The following MAF variants were observed in gnomAD, a reference collection of about 807,000 sequenced individuals.
MAF encodes the protein MAF bZIP transcription factor, also known as transcription factor Maf.
In MAF, 10 loss-of-function variants were observed where a neutral mutation model predicts 22.0. That is an observed-to-expected ratio of 0.45 (90% CI 0.28 to 0.77). The LOEUF (loss-of-function observed/expected upper bound fraction) is 0.77. Among genes scored for constraint, MAF ranks in the 30% least tolerant of loss-of-function variants. The pLI is 0.12. For missense variants in MAF, 544 were observed against 548.4 expected, an observed-to-expected ratio of 0.99 and a Z score of 0.08; for synonymous variants, 337 against 255.8, an observed-to-expected ratio of 1.32 and a Z score of -3.03.
At chr16:79,597,893 A>G in intron 1 of MAF, 2 of 1,037,910 alleles carry the variant, frequency 1.9e-6, no homozygotes, top group Non-Finnish European at 2.3e-6. Flanking sequence ...AAGCATAATA[A>G]TGCATGAGAT....
chr16:79,362,851 T>C, the MAF span, among the ~76,000 whole-genome samples: 265 of 152,338 alleles, frequency 1.7e-3, 2 homozygotes, highest in African/African-American at 6.0e-3. Context: ...AAGAGAATAG[T>C]AAGAAAGTGT....
chr16:79,230,759 A>G, the MAF span, among the ~76,000 whole-genome samples: 1 of 152,058 alleles, frequency 6.6e-6, no homozygotes, highest in Non-Finnish European at 1.5e-5. Context: ...TTCTAAGATT[A>G]TATTCCAAAT....
At chr16:79,554,106 CAAACAAACAAACAAACAAACAAAA>C in the MAF span, among the ~76,000 whole-genome samples, 1 of 122,688 alleles carries the variant, frequency 8.2e-6, no homozygotes, top group Non-Finnish European at 1.9e-5. Flanking sequence ...AACAAACAAA[CAAACAAACAAACAAACAAACAAAA>C]CCACCAAACC....
the MAF span, among the ~76,000 whole-genome samples, chr16:79,578,671 G>T: frequency 3.4e-3 from 512 of 152,200 alleles, 2 homozygotes; most frequent in Middle Eastern, 6.8e-3. Flanking sequence ...CTTTTAAAAA[G>T]CCATCCGTCC....
the MAF span, among the ~76,000 whole-genome samples, chr16:79,246,564 A>C: frequency 6.8e-6 from 1 of 147,138 alleles, no homozygotes; most frequent in Non-Finnish European, 1.5e-5. Context: ...GGGTGTATTT[A>C]AATATACTTT....
At chr16:79,495,991 G>A in the MAF span, among the ~76,000 whole-genome samples, 1 of 152,194 alleles carries the variant, frequency 6.6e-6, no homozygotes, top group Non-Finnish European at 1.5e-5. Flanking sequence ...GACTCCAGCA[G>A]ATTTCCCCAG....
At chr16:79,370,279 T>A in the MAF span, among the ~76,000 whole-genome samples, 9 of 152,174 alleles carry the variant, frequency 5.9e-5, no homozygotes, top group Non-Finnish European at 1.2e-4. Flanking sequence ...GACTGGAGGT[T>A]ATCTCCTGTT....
chr16:79,545,449 C>T, the MAF span, among the ~76,000 whole-genome samples: 42 of 151,748 alleles, frequency 2.8e-4, no homozygotes, highest in African/African-American at 9.9e-4. Flanking sequence ...CCCATTTGAG[C>T]ATGAGTACAA....
the MAF span, among the ~76,000 whole-genome samples, chr16:79,404,954 T>C: frequency 6.6e-6 from 1 of 152,164 alleles, no homozygotes; most frequent in Non-Finnish European, 1.5e-5. Context: ...TTATGGGGTG[T>C]TTACAGATTA....
the MAF span, among the ~76,000 whole-genome samples, chr16:79,437,225 A>C: frequency 2.0e-5 from 3 of 151,988 alleles, no homozygotes; most frequent in South Asian, 2.1e-4. Flanking sequence ...GCATGCTGTA[A>C]GGAAACCAAA....
At chr16:79,555,565 C>G in the MAF span, among the ~76,000 whole-genome samples, 2 of 152,172 alleles carry the variant, frequency 1.3e-5, no homozygotes, top group Non-Finnish European at 2.9e-5. Context: ...CAATACCACA[C>G]TAATACAGGT....
At chr16:79,209,732 A>T in the MAF span, among the ~76,000 whole-genome samples, 3 of 152,310 alleles carry the variant, frequency 2.0e-5, no homozygotes, top group East Asian at 5.8e-4. Flanking sequence ...TGAGCATCTC[A>T]ATTCTCCAAT....
At chr16:79,497,781 AG>A in the MAF span, among the ~76,000 whole-genome samples, 2 of 152,238 alleles carry the variant, frequency 1.3e-5, no homozygotes, top group African/African-American at 4.8e-5. Context: ...GAAGGAGAAA[AG>A]AGGAAGCCTC....
At chr16:79,385,416 T>G in the MAF span, among the ~76,000 whole-genome samples, 8 of 152,302 alleles carry the variant, frequency 5.3e-5, no homozygotes, top group South Asian at 1.7e-3. Flanking sequence ...AAATTATGCT[T>G]TTTTTTCATT....
the MAF span, among the ~76,000 whole-genome samples, chr16:79,224,611 C>A: frequency 6.6e-6 from 1 of 152,164 alleles, no homozygotes; most frequent in East Asian, 1.9e-4. Flanking sequence ...TTAGAAAACC[C>A]TATCGTCTCA....
At chr16:79,530,872 G>A in the MAF span, among the ~76,000 whole-genome samples, 1 of 152,166 alleles carries the variant, frequency 6.6e-6, no homozygotes, top group Non-Finnish European at 1.5e-5. Context: ...GATTACTTGT[G>A]AGCCACTTCT....
chr16:79,384,402 G>T, the MAF span, among the ~76,000 whole-genome samples: 2 of 142,200 alleles, frequency 1.4e-5, no homozygotes, highest in African/African-American at 5.3e-5. Context: ...CCAAGATTAC[G>T]CTACTGTATC....
At chr16:79,310,278 T>C in the MAF span, among the ~76,000 whole-genome samples, 1 of 152,026 alleles carries the variant, frequency 6.6e-6, no homozygotes, top group Non-Finnish European at 1.5e-5. Flanking sequence ...AGGGAAAAGT[T>C]AGTGAGAATC....
chr16:79,478,185 T>C, the MAF span, among the ~76,000 whole-genome samples: 1 of 152,228 alleles, frequency 6.6e-6, no homozygotes, highest in African/African-American at 2.4e-5. Flanking sequence ...CCCTTCCCCG[T>C]CATCCTGTGC....
Sources: allele counts gnomAD v4.1 joint callset (sites outside exome capture counted in the v4.1 genomes callset), GRCh38; gene constraint gnomAD v4.1.1; transcripts MANE v1.5; gene names NCBI Gene and HGNC (gene_info 2026-07-23, HGNC 2026-07-21).